The following TRIP4 variants were observed in gnomAD, a reference collection of about 807,000 sequenced individuals.
The protein encoded by TRIP4 is activating signal cointegrator 1.
Under a neutral mutation model 81.8 loss-of-function variants are expected in TRIP4, and 54 were observed. The ratio of observed to expected loss-of-function variants is 0.66; its 90% CI spans 0.53 to 0.83. The LOEUF is 0.83. TRIP4 is among the 40% of genes least tolerant of loss of function. The probability of loss-of-function intolerance (pLI) is 0.00; values close to 1 mark genes in which losing one functional copy is unlikely to be tolerated. For missense variants in TRIP4, 662 were observed against 683.6 expected (o/e 0.97, Z 0.35); for synonymous variants, 270 against 242.8 (o/e 1.11, Z -1.04).
intron 1 of TRIP4, among the ~76,000 whole-genome samples, chr15:64,389,949 G>A (rs1229001370): frequency 2.7e-5 from 4 of 149,684 alleles, no homozygotes; most frequent in Middle Eastern, 3.5e-3. Flanking sequence ...TGATCCAACC[G>A]CCTCAGCCTC....
intron 8 of TRIP4, among the ~76,000 whole-genome samples, chr15:64,414,441 A>G (rs1891843084): frequency 6.6e-6 from 1 of 151,678 alleles, no homozygotes. Flanking sequence ...GTACTTCCCA[A>G]GAAAGGGTTT....
intron 5 of TRIP4, among the ~76,000 whole-genome samples, chr15:64,401,119 G>A (rs1465233557): frequency 6.6e-6 from 1 of 151,476 alleles, no homozygotes; most frequent in Admixed American, 6.6e-5. Flanking sequence ...GTGCCACCAC[G>A]CGTAGCTAAT....
chr15:64,390,512 A>G (rs950788983), intron 1 of TRIP4, among the ~76,000 whole-genome samples: 1 of 151,958 alleles, frequency 6.6e-6, no homozygotes, highest in Non-Finnish European at 1.5e-5. Flanking sequence ...TAAATTAACA[A>G]TTTGAAATAG....
chr15:64,414,435 T>G (rs1209731752), intron 8 of TRIP4, among the ~76,000 whole-genome samples: 1 of 151,970 alleles, frequency 6.6e-6, no homozygotes, highest in Non-Finnish European at 1.5e-5. Context: ...TTCCAAGTAC[T>G]TCCCAAGAAA....
At chr15:64,421,046 A>G (rs895089201) in intron 9 of TRIP4, among the ~76,000 whole-genome samples, 1 of 151,348 alleles carries the variant, frequency 6.6e-6, no homozygotes, top group Non-Finnish European at 1.5e-5. Flanking sequence ...ACGGTGGCTC[A>G]TGCCTGTAAT....
chr15:64,439,475 C>CT (rs1295273394), intron 11 of TRIP4, among the ~76,000 whole-genome samples: 1 of 125,534 alleles, frequency 8.0e-6, no homozygotes, highest in African/African-American at 3.0e-5. Context: ...ATTATTGTTG[C>CT]TTTAGTTATT....
intron 7 of TRIP4, among the ~76,000 whole-genome samples, chr15:64,410,226 A>G (rs1451800668): frequency 6.6e-6 from 1 of 152,030 alleles, no homozygotes; most frequent in Non-Finnish European, 1.5e-5. Flanking sequence ...GGTTTTCACC[A>G]TGTTGGCCAG....
rs1174245547 is a variant in TRIP4 at position 64,425,619 on chromosome 15, A to G, written c.1563A>G (p.Gln521=). Residue 521 remains glutamine, a synonymous_variant, in exon 11 of 13, where the codon CAA becomes CAG. Coordinates refer to ENST00000261884, the MANE Select transcript of TRIP4 (RefSeq NM_016213.5). ...TAATTGACTGCTTGTCCCAGAAGCA[A>G]TTTAAGGAGCAGGTGAGTAAAGAAT... The part of the protein sequence containing the change: ...VDLIDCLSQK[Q]FKEQFPDISQ... The G allele has an allele frequency of 1.2e-6, 2 of 1,611,186 alleles. No individual in the cohort carries two copies. The highest frequency in any genetic ancestry group is 1.1e-5 in the South Asian group (1 of 90,552).
At chr15:64,389,708 CTTTTTTTTTT>C in intron 1 of TRIP4, among the ~76,000 whole-genome samples, 1 of 127,274 alleles carries the variant, frequency 7.9e-6, no homozygotes, top group South Asian at 2.6e-4. Context: ...AAAATTTTCA[CTTTTTTTTTT>C]TTTTTTTTTT....
intron 11 of TRIP4, among the ~76,000 whole-genome samples, chr15:64,440,646 T>A (rs538222295): frequency 6.6e-6 from 1 of 152,332 alleles, no homozygotes; most frequent in African/African-American, 2.4e-5. Context: ...AAAGGGATAT[T>A]CACCTGGAAC....
intron 12 of TRIP4, among the ~76,000 whole-genome samples, chr15:64,451,832 T>C (rs1892770639): frequency 2.0e-5 from 3 of 151,586 alleles, no homozygotes; most frequent in African/African-American, 7.3e-5. Flanking sequence ...TTTTGTATTT[T>C]TAGTAGAGAC....
At chr15:64,434,576 T>G (rs1892348702) in intron 11 of TRIP4, among the ~76,000 whole-genome samples, 2 of 152,104 alleles carry the variant, frequency 1.3e-5, no homozygotes, top group Non-Finnish European at 2.9e-5. Context: ...AAAACTAATT[T>G]GGCAGAAATG....
At chr15:64,405,199 A>G (rs1891597001) in intron 5 of TRIP4, among the ~76,000 whole-genome samples, 1 of 150,558 alleles carries the variant, frequency 6.6e-6, no homozygotes, top group Admixed American at 6.6e-5. Context: ...CTGTCGCCCA[A>G]GCTGGAGTGC....
At chr15:64,403,151 C>T (rs778098903) in intron 5 of TRIP4, among the ~76,000 whole-genome samples, 5 of 148,796 alleles carry the variant, frequency 3.4e-5, no homozygotes, top group South Asian at 2.1e-4. Context: ...CGCGAGCCAC[C>T]GCACCCCTAT....
At chr15:64,424,407 C>G in intron 10 of TRIP4, 1 of 427,174 alleles carries the variant, frequency 2.3e-6, no homozygotes, top group South Asian at 3.1e-5. Flanking sequence ...CTGAGAAAAT[C>G]ATCTTCTTTA....
rs150175711 is a variant in TRIP4 at position 64,423,744 on chromosome 15, G to C, written c.1359-287G>C. ...ATTGGAGAAGCACCAAGACTGGTCA[G>C]GGTTCCAAATCTGAGTTGTAGGGAT... is the stretch of plus-strand genomic sequence containing the variant. On this transcript the variant is annotated intron_variant, in intron 9 of 12. Transcript: ENST00000261884. Among the ~76,000 whole-genome samples, 13 of 152,264 alleles carry C rather than the reference G, an allele frequency of 8.5e-5. 1 individual carries two copies. The highest frequency in any genetic ancestry group is 5.9e-4 in the Admixed American group (9 of 15,282).
intron 12 of TRIP4, among the ~76,000 whole-genome samples, chr15:64,447,031 G>A (rs1015121813): frequency 1.5e-4 from 23 of 152,142 alleles, no homozygotes; most frequent in Non-Finnish European, 2.6e-4. Context: ...GTGAACCTGG[G>A]AGGCGGAGCT....
intron 7 of TRIP4, among the ~76,000 whole-genome samples, chr15:64,413,486 C>A (rs771921557): frequency 1.4e-4 from 21 of 152,112 alleles, no homozygotes; most frequent in Non-Finnish European, 2.5e-4. Flanking sequence ...CTCTAGGCAG[C>A]TTTTCTGGTC....
intron 11 of TRIP4, among the ~76,000 whole-genome samples, chr15:64,426,006 C>T (rs1222037208): frequency 6.6e-6 from 1 of 152,052 alleles, no homozygotes; most frequent in African/African-American, 2.4e-5. Flanking sequence ...TAGCTTGAAC[C>T]CGGGAGATGG....
Sources: allele counts gnomAD v4.1 joint callset (sites outside exome capture counted in the v4.1 genomes callset), GRCh38; gene constraint gnomAD v4.1.1; transcripts MANE v1.5; gene names NCBI Gene and HGNC (gene_info 2026-07-23, HGNC 2026-07-21).